RARB: variants seen among roughly 807,000 people sequenced by gnomAD.
RARB encodes the protein retinoic acid receptor beta.
RARB carries 17 observed loss-of-function variants against 51.9 expected under a neutral mutation model. The observed-to-expected ratio is 0.33, with a 90% CI of 0.22 to 0.49. The LOEUF (loss-of-function observed/expected upper bound fraction) is 0.49. Among genes scored for constraint, RARB ranks in the 20% least tolerant of loss-of-function variants. The probability of loss-of-function intolerance (pLI) is 0.99; values close to 1 mark genes in which losing one functional copy is unlikely to be tolerated. For missense variants in RARB, 369 were observed against 550.8 expected (o/e 0.67, Z 3.30); for synonymous variants, 215 against 195.4 (o/e 1.10, Z -0.84).
intron 2 of RARB, among the ~76,000 whole-genome samples, chr3:24,922,495 T>A (rs1695236312): frequency 6.6e-6 from 1 of 152,190 alleles, no homozygotes. Context: ...AGGTATTTAT[T>A]GTCCCCATTT....
intron 3 of RARB, among the ~76,000 whole-genome samples, chr3:25,568,670 G>C (rs1436801093): frequency 6.6e-6 from 1 of 152,196 alleles, no homozygotes; most frequent in Non-Finnish European, 1.5e-5. Context: ...TCTTAGGGAG[G>C]CAACTCAGGC....
intron 2 of RARB, among the ~76,000 whole-genome samples, chr3:25,475,503 C>G (rs973780454): frequency 3.3e-5 from 5 of 152,128 alleles, no homozygotes; most frequent in African/African-American, 1.2e-4. Flanking sequence ...AATAATAAAG[C>G]TGACATTCCT....
In RARB at chr3:25,088,173, G is replaced by A. The variant is rs539546937; in HGVS notation, c.-328+27997G>A. On this transcript the variant is annotated intron_variant, in intron 3 of 11. Coordinates refer to the RARB transcript ENST00000383772. ...AAACATTATTTGGTGAAACCTTGTT[G>A]TGATGAAGGAAGAGCTTCATTTGGT... 2.0e-5 allele frequency among the ~76,000 whole-genome samples: 3 copies of A among 152,158 alleles called. No homozygotes were observed. The South Asian group carries it at 6.2e-4, about 31-fold the overall frequency.
intron 2 of RARB, among the ~76,000 whole-genome samples, chr3:25,475,843 T>C (rs1254064828): frequency 6.6e-6 from 1 of 152,204 alleles, no homozygotes; most frequent in Non-Finnish European, 1.5e-5. Context: ...CCATTCACAG[T>C]TGAGGCCCTA....
At chr3:25,268,506 G>C (rs4681014) in intron 5 of RARB, among the ~76,000 whole-genome samples, 66,772 of 151,990 alleles carry the variant, frequency 0.44, 15,626 homozygotes, top group East Asian at 0.68. Flanking sequence ...GTCCTCACCA[G>C]AGTTTAGCAT....
At chr3:25,501,125 T>G (rs1442840121) in intron 2 of RARB, 57 bp from the exon 3 acceptor site, 3 of 1,523,752 alleles carry the variant, frequency 2.0e-6, no homozygotes, top group East Asian at 4.9e-5. Context: ...TTGGCTTTGA[T>G]TTCTGATGAA....
intron 5 of RARB, among the ~76,000 whole-genome samples, chr3:25,285,365 C>G (rs772656088): frequency 9.2e-5 from 14 of 152,050 alleles, no homozygotes; most frequent in Non-Finnish European, 1.9e-4. Flanking sequence ...GTTTGATGCT[C>G]TAGGAAGAGA....
intron 2 of RARB, among the ~76,000 whole-genome samples, chr3:25,044,376 G>A (rs151173562): frequency 1.7e-4 from 26 of 152,216 alleles, no homozygotes; most frequent in Non-Finnish European, 2.8e-4. Context: ...TATCTTCAGC[G>A]CCTAGCACTC....
intron 2 of RARB, among the ~76,000 whole-genome samples, chr3:24,862,113 T>A (rs1702759003): frequency 6.6e-6 from 1 of 152,206 alleles, no homozygotes; most frequent in Non-Finnish European, 1.5e-5. Context: ...GACACACTGC[T>A]CTTCACAACT....
At chr3:25,282,745 A>T (rs1703556720) in intron 5 of RARB, among the ~76,000 whole-genome samples, 5 of 152,174 alleles carry the variant, frequency 3.3e-5, no homozygotes, top group Admixed American at 6.5e-5. Flanking sequence ...TCCATCATTT[A>T]GAAACTGTTG....
intron 5 of RARB, among the ~76,000 whole-genome samples, chr3:25,277,283 G>C (rs1355593238): frequency 2.0e-5 from 3 of 152,162 alleles, no homozygotes; most frequent in Non-Finnish European, 4.4e-5. Context: ...AAGCCACCTA[G>C]CAGCGTAGCC....
At chr3:25,561,794 A>G (rs1001948879) in intron 3 of RARB, among the ~76,000 whole-genome samples, 2 of 152,240 alleles carry the variant, frequency 1.3e-5, no homozygotes, top group Non-Finnish European at 2.9e-5. Context: ...ATATTTTATC[A>G]TGATAGAGAC....
At chr3:25,366,650 T>C (rs991293778) in intron 5 of RARB, among the ~76,000 whole-genome samples, 1 of 152,196 alleles carries the variant, frequency 6.6e-6, no homozygotes, top group African/African-American at 2.4e-5. Flanking sequence ...CAACCACTGT[T>C]TTCAAAAAGC....
chr3:25,471,422 T>C (rs1695685457), intron 2 of RARB, among the ~76,000 whole-genome samples: 1 of 152,186 alleles, frequency 6.6e-6, no homozygotes, highest in South Asian at 2.1e-4. Flanking sequence ...TACCTTTTCC[T>C]AGTAATAATT....
intron 5 of RARB, among the ~76,000 whole-genome samples, chr3:25,178,799 G>C (rs1379036040): frequency 6.6e-6 from 1 of 152,166 alleles, no homozygotes; most frequent in Non-Finnish European, 1.5e-5. Context: ...AGAAGAGCCT[G>C]ATATGCTATG....
intron 5 of RARB, among the ~76,000 whole-genome samples, chr3:25,248,332 A>G (rs1034564827): frequency 2.6e-5 from 4 of 152,172 alleles, no homozygotes; most frequent in African/African-American, 7.2e-5. Flanking sequence ...TAGCCACTCT[A>G]TCCTTTAAGT....
intron 4 of RARB, among the ~76,000 whole-genome samples, chr3:25,152,879 C>T (rs1359862437): frequency 1.3e-5 from 2 of 152,126 alleles, no homozygotes; most frequent in African/African-American, 4.8e-5. Context: ...AGCCACTAGC[C>T]AGATGATGCT....
intron 2 of RARB, among the ~76,000 whole-genome samples, chr3:24,912,500 C>T (rs755039864): frequency 3.9e-5 from 6 of 152,012 alleles, no homozygotes; most frequent in South Asian, 2.1e-4. Context: ...GGGTTTAGTA[C>T]GGGTGGCCCT....
chr3:25,494,253 G>GCACGCGCGCGCACTCACACA (rs1553623182), intron 2 of RARB, among the ~76,000 whole-genome samples: 1,470 of 131,950 alleles, frequency 0.011, 9 homozygotes, highest in Non-Finnish European at 0.014. Flanking sequence ...TGTATCTTAC[G>GCACGCGCGCGCACTCACACA]CACACACACA....
Sources: gnomAD v4.1 joint callset for allele counts (sites outside exome capture counted in the v4.1 genomes callset) on GRCh38, gnomAD v4.1.1 for gene constraint, MANE v1.5 for transcripts, NCBI Gene and HGNC (gene_info 2026-07-23, HGNC 2026-07-21) for gene names.